The following FBXL2 variants were observed in gnomAD, a reference collection of about 807,000 sequenced individuals.
FBXL2 encodes F-box/LRR-repeat protein 2.
Under a neutral mutation model 69.2 loss-of-function variants are expected in FBXL2, and 38 were observed. That is an observed-to-expected ratio of 0.55 (90% CI 0.42 to 0.72). The LOEUF is 0.72. Among genes scored for constraint, FBXL2 ranks in the 30% least tolerant of loss-of-function variants. The probability of loss-of-function intolerance (pLI) is 0.00; values close to 1 mark genes in which losing one functional copy is unlikely to be tolerated. For missense variants in FBXL2, 354 were observed against 520.3 expected, an observed-to-expected ratio of 0.68 and a Z score of 3.11; for synonymous variants, 192 against 201.3, an observed-to-expected ratio of 0.95 and a Z score of 0.39.
At chr3:33,360,027 A>C (rs1452932770) in intron 4 of FBXL2, among the ~76,000 whole-genome samples, 3 of 152,214 alleles carry the variant, frequency 2.0e-5, no homozygotes, top group Non-Finnish European at 2.9e-5. Flanking sequence ...GGAATAAAAA[A>C]AGAGCATTGT....
At chr3:33,304,274 TC>T (rs2036531096) in intron 2 of FBXL2, among the ~76,000 whole-genome samples, 1 of 152,058 alleles carries the variant, frequency 6.6e-6, no homozygotes, top group South Asian at 2.1e-4. Flanking sequence ...CCCTCCTCAT[TC>T]CCCACCATAA....
chr3:33,280,672 C>T (rs1163340146), intron 1 of FBXL2, among the ~76,000 whole-genome samples: 1 of 145,498 alleles, frequency 6.9e-6, no homozygotes, highest in Non-Finnish European at 1.5e-5. Context: ...GTGTTCACAC[C>T]ACTGCCCTCC....
Position 33,335,965 on chromosome 3 carries a change from G to A in FBXL2, c.66-23002G>A, listed in dbSNP as rs76335997. On this transcript the variant is annotated intron_variant, in intron 2 of 14. Coordinates refer to ENST00000484457, the MANE Select transcript of FBXL2 (RefSeq NM_012157.5). ...TTAAGACCTAAAAAATGTTGCTGGA[G>A]AGAAATTTCAATAACCTAAATAAAT... Among the ~76,000 whole-genome samples, 406 of 152,268 alleles carry A rather than the reference G, an allele frequency of 2.7e-3. 2 individuals carry two copies. Among genetic ancestry groups the A allele is most frequent in the East Asian group, 0.024 (125 of 5,188 alleles).
intron 13 of FBXL2, 122 bp downstream of exon 13, chr3:33,378,863 A>C (rs903098197): frequency 6.4e-6 from 10 of 1,556,038 alleles, no homozygotes; most frequent in Non-Finnish European, 8.7e-6. Context: ...TCAAAAATCT[A>C]TTAATTGGGC....
chr3:33,280,800 T>C (rs1212313207), intron 1 of FBXL2, among the ~76,000 whole-genome samples: 1 of 151,690 alleles, frequency 6.6e-6, no homozygotes, highest in Non-Finnish European at 1.5e-5. Flanking sequence ...TCTATTGGGA[T>C]ATATATGACT....
chr3:33,395,553 G>A (rs909343626), intron 12 of FBXL2, among the ~76,000 whole-genome samples: 2 of 151,846 alleles, frequency 1.3e-5, no homozygotes, highest in Admixed American at 1.3e-4. Flanking sequence ...AGGATGAGAA[G>A]CCCTCCCAAG....
chr3:33,420,960 A>G, the FBXL2 span, among the ~76,000 whole-genome samples: 1 of 152,218 alleles, frequency 6.6e-6, no homozygotes, highest in Non-Finnish European at 1.5e-5. Flanking sequence ...TCTCCAAATG[A>G]AAATGTATTT....
chr3:33,293,257 C>T (rs1326035145), intron 1 of FBXL2, among the ~76,000 whole-genome samples: 3 of 152,178 alleles, frequency 2.0e-5, no homozygotes, highest in Non-Finnish European at 2.9e-5. Flanking sequence ...AGGCACTTTA[C>T]GTTTATGGAC....
intron 2 of FBXL2, among the ~76,000 whole-genome samples, chr3:33,328,362 A>G (rs562057503): frequency 1.3e-5 from 2 of 152,208 alleles, no homozygotes; most frequent in African/African-American, 2.4e-5. Flanking sequence ...TAACATTTAT[A>G]TGGACCCACA....
the FBXL2 span, among the ~76,000 whole-genome samples, chr3:33,419,190 T>C: frequency 6.6e-6 from 1 of 152,090 alleles, no homozygotes; most frequent in Non-Finnish European, 1.5e-5. Flanking sequence ...AGGAGCTGAC[T>C]TGAGGCAGAA....
chr3:33,384,525 C>T (rs1353466401), intron 14 of FBXL2, among the ~76,000 whole-genome samples: 2 of 152,132 alleles, frequency 1.3e-5, no homozygotes, highest in African/African-American at 2.4e-5. Flanking sequence ...TGCACCACTG[C>T]ACTTCAGCCT....
chr3:33,303,238 GT>G (rs1363411391), intron 2 of FBXL2: 3 of 451,168 alleles, frequency 6.6e-6, no homozygotes, highest in Middle Eastern at 7.2e-4. Flanking sequence ...TTGCCGAAGA[GT>G]TTTTTTAGGT....
At chr3:33,277,892 A>G (rs2033490098) in intron 1 of FBXL2, among the ~76,000 whole-genome samples, 1 of 152,184 alleles carries the variant, frequency 6.6e-6, no homozygotes, top group Non-Finnish European at 1.5e-5. Context: ...ATATGTATTT[A>G]TATTTACACT....
the FBXL2 span, among the ~76,000 whole-genome samples, chr3:33,410,420 G>A: frequency 6.6e-6 from 1 of 152,188 alleles, no homozygotes; most frequent in African/African-American, 2.4e-5. Flanking sequence ...TTGCCTTATA[G>A]ACAAACACCA....
In FBXL2 at chr3:33,385,287, G is replaced by A. The variant is rs148745088; in HGVS notation, c.1165-214G>A. On this transcript the variant is annotated intron_variant, in intron 14 of 14. Transcript: ENST00000484457. ...CTGGTTACTACCCCTGGGTGGAAAC[G>A]TATCAACGTAAGTGTTTTCACTTAT... 8.1e-4 allele frequency among the ~76,000 whole-genome samples: 123 copies of A among 152,252 alleles called. 1 individual carries two copies. The highest frequency in any genetic ancestry group is 2.9e-3 in the African/African-American group (120 of 41,546).
At chr3:33,294,582 T>C (rs2035564927) in intron 1 of FBXL2, among the ~76,000 whole-genome samples, 1 of 152,150 alleles carries the variant, frequency 6.6e-6, no homozygotes. Context: ...CTCACACCTA[T>C]AATCCCAGCA....
In FBXL2 at chr3:33,289,750, C is replaced by T. The variant is rs1039628930; in HGVS notation, c.4-7914C>T. 3.1e-5 allele frequency: 31 copies of T among 984,586 alleles called. No individual in the cohort carries two copies. In the South Asian group the frequency reaches 6.6e-4, roughly 21 times the overall value. 61.0% of individuals were successfully genotyped at this position (984,586 alleles called of 1,614,324 possible). A position where few individuals can be genotyped will look rare whatever the true frequency, so the allele number is the denominator to read the frequency against. On this transcript the variant is annotated intron_variant, in intron 1 of 14. Coordinates refer to ENST00000484457, the MANE Select transcript of FBXL2 (RefSeq NM_012157.5). ...CAATTAGTACATTGGAATAGGAGTTCGGATGCTGGGGCAAGGGAAAGAGAG... is the reference window on the plus strand; with the variant it reads ...CAATTAGTACATTGGAATAGGAGTTTGGATGCTGGGGCAAGGGAAAGAGAG...
chr3:33,348,756 TTC>T (rs1213074742), intron 2 of FBXL2, among the ~76,000 whole-genome samples: 1 of 152,152 alleles, frequency 6.6e-6, no homozygotes, highest in Non-Finnish European at 1.5e-5. Flanking sequence ...ATCAATATCT[TTC>T]TGTTTTTTTG....
intron 2 of FBXL2, among the ~76,000 whole-genome samples, chr3:33,324,305 A>C (rs1228562391): frequency 6.6e-6 from 1 of 151,988 alleles, no homozygotes; most frequent in Non-Finnish European, 1.5e-5. Context: ...TTTTTAGTTT[A>C]ATTAGATCCC....
Sources: gnomAD v4.1 joint callset for allele counts (sites outside exome capture counted in the v4.1 genomes callset) on GRCh38, gnomAD v4.1.1 for gene constraint, MANE v1.5 for transcripts, NCBI Gene and HGNC (gene_info 2026-07-23, HGNC 2026-07-21) for gene names.